The following STK39 variants were observed in gnomAD, a reference collection of about 807,000 sequenced individuals.
STK39 encodes the protein serine/threonine kinase 39, also known as STE20/SPS1-related proline-alanine-rich protein kinase.
Under a neutral mutation model 77.8 loss-of-function variants are expected in STK39, and 20 were observed. The ratio of observed to expected loss-of-function variants is 0.26; its 90% CI spans 0.18 to 0.37. The LOEUF is 0.37. Ranked by LOEUF, STK39 falls within the 10% of genes least tolerant of loss-of-function variation. The pLI is 1.00. For synonymous variants in STK39, 246 were observed against 234.1 expected (o/e 1.05, Z -0.47); for missense variants, 479 against 656.5 (o/e 0.73, Z 2.95).
chr2:168,184,288 G>C (rs775776332), intron 1 of STK39, among the ~76,000 whole-genome samples: 2 of 152,198 alleles, frequency 1.3e-5, no homozygotes, highest in Non-Finnish European at 2.9e-5. Flanking sequence ...AAGCTTTACA[G>C]CTAGAGAATT....
At chr2:168,221,181 C>A (rs1003957447) in intron 1 of STK39, among the ~76,000 whole-genome samples, 2 of 152,152 alleles carry the variant, frequency 1.3e-5, no homozygotes, top group Non-Finnish European at 2.9e-5. Flanking sequence ...ATCCTGTGGT[C>A]ATTTGTCGAG....
intron 14 of STK39, among the ~76,000 whole-genome samples, chr2:168,027,123 C>A (rs1684717827): frequency 6.6e-6 from 1 of 152,092 alleles, no homozygotes; most frequent in Admixed American, 6.5e-5. Flanking sequence ...GGAAAGGAAA[C>A]AGTTTGTGCC....
chr2:168,088,821 C>T (rs1243176638), intron 10 of STK39, among the ~76,000 whole-genome samples: 1 of 152,166 alleles, frequency 6.6e-6, no homozygotes, highest in Non-Finnish European at 1.5e-5. Flanking sequence ...ATGTTGTACA[C>T]TTCAAGGAGG....
At position 168,247,468 on chromosome 2, in the gene STK39, G is replaced by T. The variant is rs756828768; in HGVS notation, c.-33C>A. 9 of 1,299,732 alleles carry T rather than the reference G, an allele frequency of 6.9e-6. No individual in the cohort carries two copies. Among genetic ancestry groups the T allele is most frequent in the Non-Finnish European group, 8.9e-6 (9 of 1,009,472 alleles). 80.5% of individuals were successfully genotyped at this position (1,299,732 alleles called of 1,614,324 possible). A position where few individuals can be genotyped will look rare whatever the true frequency, so the allele number is the denominator to read the frequency against. On this transcript the variant is annotated 5_prime_UTR_variant, in exon 1 of 18. Transcript: ENST00000355999. ...CGGAGGAGAGCAGGAGGACGCGCCGGCCGACGGACGACCTTCCACTTGAAA... is the reference window on the plus strand; with the variant it reads ...CGGAGGAGAGCAGGAGGACGCGCCGTCCGACGGACGACCTTCCACTTGAAA...
At chr2:168,005,945 G>T (rs1684122554) in intron 16 of STK39, among the ~76,000 whole-genome samples, 1 of 152,186 alleles carries the variant, frequency 6.6e-6, no homozygotes, top group East Asian at 1.9e-4. Flanking sequence ...TATCACTAAA[G>T]TAAGTTTTCC....
At chr2:167,992,438 C>T (rs1289922298) in intron 16 of STK39, among the ~76,000 whole-genome samples, 1 of 152,030 alleles carries the variant, frequency 6.6e-6, no homozygotes, top group African/African-American at 2.4e-5. Flanking sequence ...GAACTGGGGT[C>T]AGAGCAGAAA....
rs534705322 is a variant in STK39, at chr2:168,136,413, T to G, written c.974+1675A>C. Among the ~76,000 whole-genome samples the G allele has an allele frequency of 2.5e-3, 372 of 151,108 alleles. 5 individuals carry two copies. Among genetic ancestry groups the G allele is most frequent in the African/African-American group, 8.7e-3 (360 of 41,232 alleles). The stretch of plus-strand genomic sequence containing the variant: ...AGAAATAAAAAGGGTTTGTTAAATA[T>G]AATGTATGTCAATCTAATTTGTTTT... On this transcript the variant is annotated intron_variant, in intron 8 of 17. Coordinates refer to ENST00000355999, the MANE Select transcript of STK39 (RefSeq NM_013233.3).
chr2:168,029,785 GGAAGCA>G lies in STK39; in HGVS notation c.1377-12696_1377-12691del, dbSNP rs552270588. ...TTTCCCCTTAGCTAAACCATCTGTAGGAAGCAGAAGTAACATTCTGCCATGAACATG... is the reference window on the plus strand; with the variant it reads ...TTTCCCCTTAGCTAAACCATCTGTAGGAAGTAACATTCTGCCATGAACATG... On this transcript the variant is annotated intron_variant, in intron 14 of 17. Coordinates refer to ENST00000355999, the MANE Select transcript of STK39 (RefSeq NM_013233.3). 3.9e-5 allele frequency among the ~76,000 whole-genome samples: 6 copies of G among 152,296 alleles called. No individual in the cohort carries two copies. The East Asian group carries it at 1.2e-3, about 29-fold the overall frequency.
intron 14 of STK39, among the ~76,000 whole-genome samples, chr2:168,048,481 G>A (rs967544041): frequency 6.7e-6 from 1 of 149,186 alleles, no homozygotes; most frequent in Non-Finnish European, 1.5e-5. Flanking sequence ...CAAAGTGCTG[G>A]GATTACAGGT....
At chr2:168,236,892 A>G (rs990047290) in intron 1 of STK39, among the ~76,000 whole-genome samples, 4 of 152,092 alleles carry the variant, frequency 2.6e-5, no homozygotes, top group Non-Finnish European at 4.4e-5. Context: ...TGATGCCTCC[A>G]GCTTTGTTCT....
At chr2:168,128,072 G>A (rs1321807651) in intron 10 of STK39, among the ~76,000 whole-genome samples, 1 of 152,152 alleles carries the variant, frequency 6.6e-6, no homozygotes, top group Non-Finnish European at 1.5e-5. Flanking sequence ...TTAACAAGGA[G>A]CTGGAGTGTG....
chr2:168,045,464 A>C (rs1175692252), intron 14 of STK39, among the ~76,000 whole-genome samples: 1 of 152,030 alleles, frequency 6.6e-6, no homozygotes, highest in African/African-American at 2.4e-5. Context: ...TATTTGAACT[A>C]TTCTCCACAT....
chr2:168,084,895 C>A (rs373241776), intron 10 of STK39, among the ~76,000 whole-genome samples: 1 of 152,172 alleles, frequency 6.6e-6, no homozygotes, highest in African/African-American at 2.4e-5. Context: ...CACCTTCAAA[C>A]GTACCTAACA....
At chr2:168,085,227 C>G (rs1322547000) in intron 10 of STK39, among the ~76,000 whole-genome samples, 1 of 152,218 alleles carries the variant, frequency 6.6e-6, no homozygotes, top group Admixed American at 6.5e-5. Context: ...AACACTGACT[C>G]TTTCTTGTGG....
rs113468843 is a variant in STK39 at position 168,116,048 on chromosome 2, T to G, written c.1089+13493A>C. 2.9e-3 allele frequency among the ~76,000 whole-genome samples: 441 copies of G among 152,326 alleles called. 1 individual carries two copies. The highest frequency in any genetic ancestry group is 9.8e-3 in the African/African-American group (407 of 41,580). On this transcript the variant is annotated intron_variant, in intron 10 of 17. Coordinates refer to ENST00000355999, the MANE Select transcript of STK39 (RefSeq NM_013233.3). The stretch of plus-strand genomic sequence containing the variant: ...CATGAGTGGGTCGTAGAGCCAGGGC[T>G]GGCTGGAGTCTATCTCAAGAGCCAA...
chr2:168,194,893 A>C (rs1689429399), intron 1 of STK39, among the ~76,000 whole-genome samples: 1 of 152,154 alleles, frequency 6.6e-6, no homozygotes, highest in Non-Finnish European at 1.5e-5. Context: ...TTTTTAATTG[A>C]AACTACTTTC....
intron 14 of STK39, among the ~76,000 whole-genome samples, chr2:168,058,643 C>CA (rs1183544793): frequency 6.6e-6 from 1 of 152,198 alleles, no homozygotes; most frequent in Non-Finnish European, 1.5e-5. Context: ...TTTTCCATCT[C>CA]AAAAAATAGT....
At chr2:168,053,581 T>G (rs1462286589) in intron 14 of STK39, among the ~76,000 whole-genome samples, 1 of 152,226 alleles carries the variant, frequency 6.6e-6, no homozygotes, top group East Asian at 1.9e-4. Flanking sequence ...CTATGCATTC[T>G]CTGTTGCTGA....
chr2:168,220,194 A>T (rs1690131135), intron 1 of STK39, among the ~76,000 whole-genome samples: 2 of 152,150 alleles, frequency 1.3e-5, no homozygotes, highest in Non-Finnish European at 2.9e-5. Context: ...TGCTGGGATC[A>T]CAAGCATGTG....
Sources: gnomAD v4.1 joint callset for allele counts (sites outside exome capture counted in the v4.1 genomes callset) on GRCh38, gnomAD v4.1.1 for gene constraint, MANE v1.5 for transcripts, NCBI Gene and HGNC (gene_info 2026-07-23, HGNC 2026-07-21) for gene names.